The following L3MBTL4 variants were observed in gnomAD, a reference collection of about 807,000 sequenced individuals.
The protein encoded by L3MBTL4 is lethal(3)malignant brain tumor-like protein 4.
A neutral mutation model predicts 84.5 loss-of-function variants in L3MBTL4; 70 were observed. The observed-to-expected ratio is 0.83, with a 90% CI of 0.68 to 1.01. L3MBTL4 has a LOEUF of 1.01. Ranked by LOEUF, L3MBTL4 falls within the 50% of genes least tolerant of loss-of-function variation. L3MBTL4 has a pLI of 0.00. For synonymous variants in L3MBTL4, 274 were observed against 259.8 expected (o/e 1.05, Z -0.52); for missense variants, 715 against 754.8 (o/e 0.95, Z 0.62).
At chr18:6,070,540 A>C (rs1598632453) in intron 16 of L3MBTL4, among the ~76,000 whole-genome samples, 1 of 148,292 alleles carries the variant, frequency 6.7e-6, no homozygotes, top group South Asian at 2.1e-4. Flanking sequence ...CAGCTAGGCC[A>C]AGCGCAGTGG....
chr18:6,390,519 G>C (rs1339253933), intron 1 of L3MBTL4, among the ~76,000 whole-genome samples: 1 of 151,900 alleles, frequency 6.6e-6, no homozygotes, highest in Non-Finnish European at 1.5e-5. Context: ...AGATACAAAA[G>C]ATCAATGAAA....
intron 12 of L3MBTL4, among the ~76,000 whole-genome samples, chr18:6,203,982 A>G (rs2045761618): frequency 6.6e-6 from 1 of 152,152 alleles, no homozygotes; most frequent in African/African-American, 2.4e-5. Context: ...GTGCCCGTTT[A>G]GGGTGTGTGC....
chr18:6,275,272 A>G (rs1018134340), intron 4 of L3MBTL4, among the ~76,000 whole-genome samples: 1 of 152,220 alleles, frequency 6.6e-6, no homozygotes, highest in Non-Finnish European at 1.5e-5. Flanking sequence ...GGGCAGCCAG[A>G]GAAACGGGAG....
chr18:6,323,259 C>A (rs2051520011), intron 1 of L3MBTL4, among the ~76,000 whole-genome samples: 1 of 152,068 alleles, frequency 6.6e-6, no homozygotes, highest in Non-Finnish European at 1.5e-5. Flanking sequence ...AAAATTCATA[C>A]CAAGGAGTGG....
rs552564381 is a variant in L3MBTL4, at chr18:5,987,448, C to A, written c.1445-17886G>T. ...CAAACCCCACACAGACCCGTGGCCA[C>A]GTGTGGATGCACTCAACAGGAGCCA... On this transcript the variant is annotated intron_variant, in intron 16 of 18. Coordinates refer to ENST00000317931, the MANE Select transcript of L3MBTL4 (RefSeq NM_001330559.2). Among the ~76,000 whole-genome samples, 5 of 152,344 alleles carry A rather than the reference C, an allele frequency of 3.3e-5. No individual in the cohort carries two copies. The South Asian group carries it at 1.0e-3, about 32-fold the overall frequency.
chr18:6,231,488 T>C (rs2046998360), intron 10 of L3MBTL4, among the ~76,000 whole-genome samples: 3 of 152,122 alleles, frequency 2.0e-5, no homozygotes, highest in South Asian at 4.1e-4. Flanking sequence ...TAGACTTGTA[T>C]AGTTTGAAGT....
chr18:6,390,891 C>T (rs2055020414), intron 1 of L3MBTL4, among the ~76,000 whole-genome samples: 2 of 152,196 alleles, frequency 1.3e-5, no homozygotes, highest in South Asian at 4.1e-4. Context: ...CAGCTGAATT[C>T]TACCAGACAT....
At chr18:6,151,361 T>C (rs936289866) in intron 13 of L3MBTL4, among the ~76,000 whole-genome samples, 3 of 152,066 alleles carry the variant, frequency 2.0e-5, no homozygotes, top group African/African-American at 7.3e-5. Flanking sequence ...TGATACACAA[T>C]AAGCAACTGC....
intron 1 of L3MBTL4, among the ~76,000 whole-genome samples, chr18:6,340,935 A>AGTGCCCTCATTCC (rs1244072857): frequency 1.2e-4 from 18 of 152,196 alleles, no homozygotes; most frequent in Non-Finnish European, 2.4e-4. Context: ...CACTAGGGAA[A>AGTGCCCTCATTCC]ATAAATAGGA....
chr18:6,203,138 G>T (rs538093379), intron 12 of L3MBTL4, among the ~76,000 whole-genome samples: 6 of 152,328 alleles, frequency 3.9e-5, no homozygotes, highest in Non-Finnish European at 8.8e-5. Flanking sequence ...GTCTTCAGAG[G>T]TTAAGAAAAG....
intron 10 of L3MBTL4, among the ~76,000 whole-genome samples, chr18:6,217,641 C>T (rs1029307073): frequency 1.3e-5 from 2 of 152,174 alleles, no homozygotes; most frequent in African/African-American, 4.8e-5. Flanking sequence ...GGAATGCATC[C>T]AGGAGTAACA....
At chr18:6,319,289 A>G (rs1258653058) in intron 1 of L3MBTL4, among the ~76,000 whole-genome samples, 1 of 151,594 alleles carries the variant, frequency 6.6e-6, no homozygotes, top group African/African-American at 2.4e-5. Context: ...TAAGTGAAAT[A>G]GAAACAACAA....
At chr18:5,976,618 G>A (rs1017175489) in intron 16 of L3MBTL4, among the ~76,000 whole-genome samples, 1 of 152,206 alleles carries the variant, frequency 6.6e-6, no homozygotes, top group Non-Finnish European at 1.5e-5. Context: ...GGAAGAGTCT[G>A]TCTGGGGGAT....
intron 1 of L3MBTL4, among the ~76,000 whole-genome samples, chr18:6,323,529 G>A (rs973459692): frequency 3.9e-5 from 6 of 152,224 alleles, no homozygotes; most frequent in Admixed American, 2.6e-4. Context: ...CTAGCGAAGA[G>A]CTTTGCTGCA....
chr18:6,129,364 C>CTG (rs2059801473), intron 14 of L3MBTL4, among the ~76,000 whole-genome samples: 3 of 139,240 alleles, frequency 2.2e-5, no homozygotes, highest in Non-Finnish European at 3.1e-5. Flanking sequence ...TACTGGAATT[C>CTG]TCTCTGTGTG....
chr18:6,209,767 A>C (rs776574254), intron 12 of L3MBTL4, among the ~76,000 whole-genome samples: 4 of 152,244 alleles, frequency 2.6e-5, no homozygotes, highest in Non-Finnish European at 4.4e-5. Flanking sequence ...TAAGGAGATA[A>C]ATAAAATGTG....
chr18:6,161,179 G>C (rs1372289494), intron 13 of L3MBTL4, among the ~76,000 whole-genome samples: 1 of 152,100 alleles, frequency 6.6e-6, no homozygotes, highest in African/African-American at 2.4e-5. Flanking sequence ...CCACCATGAG[G>C]GACTCTATGT....
chr18:6,405,061 G>A (rs2055669008), intron 1 of L3MBTL4, among the ~76,000 whole-genome samples: 1 of 152,130 alleles, frequency 6.6e-6, no homozygotes, highest in South Asian at 2.1e-4. Flanking sequence ...AAAACTTGAA[G>A]AACTTTTTTA....
At chr18:6,083,632 G>A (rs1384719046) in intron 15 of L3MBTL4, among the ~76,000 whole-genome samples, 2 of 152,156 alleles carry the variant, frequency 1.3e-5, no homozygotes, top group Non-Finnish European at 1.5e-5. Context: ...AAATCTCCAG[G>A]GATGTACTAC....
Sources: allele counts gnomAD v4.1 joint callset (sites outside exome capture counted in the v4.1 genomes callset), GRCh38; gene constraint gnomAD v4.1.1; transcripts MANE v1.5; gene names NCBI Gene and HGNC (gene_info 2026-07-23, HGNC 2026-07-21).